The following MXD1 variants were observed in gnomAD, a reference collection of about 807,000 sequenced individuals.
MXD1 encodes MAX dimerization protein 1.
Under a neutral mutation model 25.7 loss-of-function variants are expected in MXD1, and 9 were observed. The ratio of observed to expected loss-of-function variants is 0.35; its 90% CI spans 0.21 to 0.61. The LOEUF is 0.61. MXD1 is among the 20% of genes least tolerant of loss of function. The pLI, the probability that MXD1 is intolerant of heterozygous loss-of-function variation, is 0.75. For synonymous variants in MXD1, 99 were observed against 113.9 expected (o/e 0.87, Z 0.83); for missense variants, 227 against 292.4 (o/e 0.78, Z 1.63).
In MXD1 at chr2:69,939,825, G is replaced by A. The variant is rs980971157; in HGVS notation, c.*1541G>A. ...TCAACGGCTGACTCGGCAGCGGGCA[G>A]CCACCCCACGCTCCCCTGCGGTCAC... is the stretch of plus-strand genomic sequence containing the variant. On this transcript the variant is annotated 3_prime_UTR_variant, in exon 6 of 6. Transcript: ENST00000264444. 1 of 152,378 alleles carries A rather than the reference G, an allele frequency of 6.6e-6. No individual in the cohort carries two copies. Among genetic ancestry groups the A allele is most frequent in the Non-Finnish European group, 1.5e-5 (1 of 68,060 alleles). The allele number at this position is 152,378 out of a possible 1,614,324, so 9.4% of individuals were successfully genotyped here. A position where few individuals can be genotyped will look rare whatever the true frequency, so the allele number is the denominator to read the frequency against.
chr2:69,933,662 C>G (rs1434039307), intron 3 of MXD1, among the ~76,000 whole-genome samples: 2 of 152,172 alleles, frequency 1.3e-5, no homozygotes, highest in African/African-American at 4.8e-5. Flanking sequence ...AAGTCTAATG[C>G]CTTGCTTACT....
At position 69,915,622 on chromosome 2, in the gene MXD1, C is replaced by T. The variant is rs1202726071; in HGVS notation, c.73+219C>T. 1.3e-5 allele frequency among the ~76,000 whole-genome samples: 2 copies of T among 152,218 alleles called. No individual in the cohort carries two copies. The highest frequency in any genetic ancestry group is 4.8e-5 in the African/African-American group (2 of 41,464). The stretch of plus-strand genomic sequence containing the variant: ...AGAAGGGGCTGCCGCCCGCCGGGGT[C>T]CCGAACGCCGCCCCTTCCCCAGCCC... On this transcript the variant is annotated intron_variant, in intron 1 of 5. Transcript: ENST00000264444. The surrounding 1 kb of genome is among the most constrained non-coding windows in gnomAD (Gnocchi z 5.8).
chr2:69,934,925 C>T, intron 3 of MXD1, among the ~76,000 whole-genome samples: 1 of 152,176 alleles, frequency 6.6e-6, no homozygotes, highest in East Asian at 1.9e-4. Context: ...TGCTCCTTGA[C>T]TTATGATGGG....
rs76211942 is a variant in MXD1, at chr2:69,917,080, C to T, written c.173+860C>T. Among the ~76,000 whole-genome samples, 488 of 152,292 alleles carry T rather than the reference C, an allele frequency of 3.2e-3. 1 individual carries two copies. The highest frequency in any genetic ancestry group is 0.011 in the African/African-American group (453 of 41,552). On this transcript the variant is annotated intron_variant, in intron 2 of 5. Coordinates refer to ENST00000264444, the MANE Select transcript of MXD1 (RefSeq NM_002357.4). The stretch of plus-strand genomic sequence containing the variant: ...AGTAAATTAAAAGCATTGACCTTTT[C>T]GTCACTAGTTTAGAATCCTTATCCC...
At chr2:69,935,621 T>G (rs1347349547) in intron 4 of MXD1, among the ~76,000 whole-genome samples, 156 bp downstream of exon 4, 1 of 152,196 alleles carries the variant, frequency 6.6e-6, no homozygotes, top group Non-Finnish European at 1.5e-5. Flanking sequence ...AAAACCCAAC[T>G]GAGTGTTTCT....
At chr2:69,937,423 T>C (rs1677478201) in intron 5 of MXD1, 29 bp downstream of exon 5, 2 of 1,558,208 alleles carry the variant, frequency 1.3e-6, no homozygotes, top group Non-Finnish European at 1.7e-6. Context: ...CCTCCCTGTC[T>C]CCCTTGTGCT....
At chr2:69,924,669 T>C (rs529510694) in intron 3 of MXD1, among the ~76,000 whole-genome samples, 3 of 152,248 alleles carry the variant, frequency 2.0e-5, no homozygotes, top group South Asian at 4.1e-4. Flanking sequence ...CCTGATAACA[T>C]TGCATAAAAA....
Position 69,915,322 on chromosome 2 carries a change from C to G in MXD1, c.-9C>G. On this transcript the variant is annotated 5_prime_UTR_variant, in exon 1 of 6. Transcript: ENST00000264444. This position sits in a 1 kb window ranked among gnomAD's most constrained non-coding sequence, Gnocchi z 5.8. ...GGGTTGGTCCCGTGGCTCCGGCCCCCGGTGCAGAATGGCGGCGGCGGTTCG... is the reference window on the plus strand; with the variant it reads ...GGGTTGGTCCCGTGGCTCCGGCCCCGGGTGCAGAATGGCGGCGGCGGTTCG... 1 of 1,308,268 alleles carries G rather than the reference C, an allele frequency of 7.6e-7. No homozygotes were observed. Among genetic ancestry groups the G allele is most frequent in the Non-Finnish European group, 9.8e-7 (1 of 1,019,792 alleles). 81.0% of individuals were successfully genotyped at this position (1,308,268 alleles called of 1,614,324 possible).
Position 69,921,766 on chromosome 2 carries a change from G to A in MXD1, c.203+1G>A. ...CTCACAATGAAATGGAGAAGAATAG[G>A]TGAGTTGGGGATTTGGGAGGTGGAA... On this transcript the variant is annotated splice_donor_variant, in intron 3 of 5. Coordinates refer to ENST00000264444, the MANE Select transcript of MXD1 (RefSeq NM_002357.4). LOFTEE classifies it high-confidence loss of function. 6.2e-7 allele frequency: 1 copy of A among 1,611,420 alleles called. No homozygotes were observed. The highest frequency in any genetic ancestry group is 8.5e-7 in the Non-Finnish European group (1 of 1,178,748).
rs1677522088 is a variant in MXD1, at chr2:69,938,777, G to A, written c.*493G>A. 1 of 154,436 alleles carries A rather than the reference G, an allele frequency of 6.5e-6. No homozygotes were observed. The highest frequency in any genetic ancestry group is 2.4e-5 in the African/African-American group (1 of 41,414). 9.6% of individuals were successfully genotyped at this position (154,436 alleles called of 1,614,324 possible). On this transcript the variant is annotated 3_prime_UTR_variant, in exon 6 of 6. Transcript: ENST00000264444. ...CAGCATTTAAGAGCACTTAACCATG[G>A]ACCTCACCACCAGTGAGGAAGTCAG...
chr2:69,937,391 AG>A lies in MXD1; in HGVS notation c.478+1del. 2.5e-6 allele frequency: 4 copies of A among 1,604,068 alleles called. No individual in the cohort carries two copies. Among genetic ancestry groups the A allele is most frequent in the Non-Finnish European group, 2.6e-6 (3 of 1,174,678 alleles). On this transcript the variant is annotated frameshift_variant and splice_region_variant, in exon 5 of 6. Coordinates refer to ENST00000264444, the MANE Select transcript of MXD1 (RefSeq NM_002357.4). LOFTEE classifies it high-confidence loss of function. ...TVSSERSDSD[R>X]EEIDVDVEST... ...CTCCTCGGAGCGCTCCGACTCCGACAGGGGTGAGCCTCTCTCACTCTCCTCC... is the reference window on the plus strand; with the variant it reads ...CTCCTCGGAGCGCTCCGACTCCGACAGGGTGAGCCTCTCTCACTCTCCTCC...
chr2:69,933,224 A>C (rs12999110), intron 3 of MXD1, among the ~76,000 whole-genome samples: 1 of 139,776 alleles, frequency 7.2e-6, no homozygotes, highest in African/African-American at 2.8e-5. Context: ...AAAAAAAAAA[A>C]CAAAAAAAGA....
intron 3 of MXD1, among the ~76,000 whole-genome samples, chr2:69,926,604 A>G (rs1056502919): frequency 2.0e-5 from 3 of 152,198 alleles, no homozygotes; most frequent in Admixed American, 1.3e-4. Flanking sequence ...GGTCTTATAC[A>G]TGTCCTGTAA....
rs1162069557 is a variant in MXD1, at chr2:69,939,789, G to A, written c.*1505G>A. 6.6e-6 allele frequency: 1 copy of A among 152,360 alleles called. No individual in the cohort carries two copies. Among genetic ancestry groups the A allele is most frequent in the East Asian group, 1.9e-4 (1 of 5,194 alleles). The allele number at this position is 152,360 out of a possible 1,614,324, so 9.4% of individuals were successfully genotyped here. On this transcript the variant is annotated 3_prime_UTR_variant, in exon 6 of 6. Coordinates refer to ENST00000264444, the MANE Select transcript of MXD1 (RefSeq NM_002357.4). ...TTACTAAAATCCACGGACGCACTGC[G>A]ACCTAAGGGCTCAACGGCTGACTCG...
chr2:69,915,223 C>CAGCGGGCTCCACAGCGGGCTCCAT lies in MXD1; in HGVS notation c.-90_-67dup, dbSNP rs750129317. ...CCTCAGCCCTGCTCCGCGGGGTCCA[C>CAGCGGGCTCCACAGCGGGCTCCAT]AGCGGGCTCCACAGCGGGCTCCATA... On this transcript the variant is annotated 5_prime_UTR_variant, in exon 1 of 6. Transcript: ENST00000264444. This position sits in a 1 kb window ranked among gnomAD's most constrained non-coding sequence, Gnocchi z 5.8. 8 of 1,035,102 alleles carry CAGCGGGCTCCACAGCGGGCTCCAT rather than the reference C, an allele frequency of 7.7e-6. No homozygotes were observed. The highest frequency in any genetic ancestry group is 5.0e-5 in the African/African-American group (3 of 59,770). The allele number at this position is 1,035,102 out of a possible 1,614,324, so 64.1% of individuals were successfully genotyped here.
chr2:69,920,156 T>C (rs1377322962), intron 2 of MXD1, among the ~76,000 whole-genome samples: 1 of 152,044 alleles, frequency 6.6e-6, no homozygotes. Context: ...GCCCGGCTAA[T>C]TTTTGTATTT....
intron 3 of MXD1, among the ~76,000 whole-genome samples, chr2:69,929,189 G>A (rs12713683): frequency 0.33 from 50,952 of 152,114 alleles, 9,886 homozygotes; most frequent in African/African-American, 0.54. Flanking sequence ...CACTGCGCCC[G>A]GCCCAGCCTG....
At chr2:69,938,015 G>T in intron 5 of MXD1, 82 bp from the exon 6 acceptor site, 1 of 1,372,888 alleles carries the variant, frequency 7.3e-7, no homozygotes, top group East Asian at 2.3e-5. Flanking sequence ...CCAAAGTGCT[G>T]GGATTACAAG....
intron 3 of MXD1, among the ~76,000 whole-genome samples, chr2:69,934,339 A>C (rs985742895): frequency 5.9e-5 from 9 of 152,186 alleles, no homozygotes; most frequent in African/African-American, 2.2e-4. Flanking sequence ...CATTCATAGA[A>C]TTTTCCAGGT....
Sources: gnomAD v4.1 joint callset for allele counts (sites outside exome capture counted in the v4.1 genomes callset) on GRCh38, gnomAD v4.1.1 for gene constraint, Gnocchi (gnomAD v3.1) non-coding constraint, MANE v1.5 for transcripts, NCBI Gene and HGNC (gene_info 2026-07-23, HGNC 2026-07-21) for gene names.